Variants in SAMD12 observed in about 807,000 individuals in gnomAD.
The protein encoded by SAMD12 is sterile alpha motif domain containing 12.
In SAMD12, 9 loss-of-function variants were observed where a neutral mutation model predicts 15.0. That is an observed-to-expected ratio of 0.60 (90% CI 0.36 to 1.05). The LOEUF (loss-of-function observed/expected upper bound fraction) is 1.05. Ranked by LOEUF, SAMD12 falls within the 50% of genes least tolerant of loss-of-function variation. The pLI is 0.01. For synonymous variants in SAMD12, 86 were observed against 90.1 expected, an observed-to-expected ratio of 0.96 and a Z score of 0.25; for missense variants, 230 against 234.2, an observed-to-expected ratio of 0.98 and a Z score of 0.12.
At chr8:118,603,346 C>G (rs979065541) in intron 1 of SAMD12, among the ~76,000 whole-genome samples, 16 of 152,058 alleles carry the variant, frequency 1.1e-4, no homozygotes, top group Non-Finnish European at 1.8e-4. Context: ...TCTGAACACT[C>G]AGACTGGAGA....
Position 118,407,860 on chromosome 8 carries a change from C to T in SAMD12, c.323-28160G>A, listed in dbSNP as rs566153432. Among the ~76,000 whole-genome samples, 13 of 152,288 alleles carry T rather than the reference C, an allele frequency of 8.5e-5. No homozygotes were observed. In the East Asian group the frequency reaches 2.5e-3, roughly 29 times the overall value. ...CCCTGAGGAACATGGATCACAGACT[C>T]ATTTTAATCTCAATCCTACTCTCTA... is the stretch of plus-strand genomic sequence containing the variant. On this transcript the variant is annotated intron_variant, in intron 3 of 3. Coordinates refer to ENST00000314727, the MANE Select transcript of SAMD12 (RefSeq NM_207506.3).
chr8:118,353,614 A>G (rs1273893810), intron 4 of SAMD12, among the ~76,000 whole-genome samples: 2 of 152,220 alleles, frequency 1.3e-5, no homozygotes, highest in African/African-American at 4.8e-5. Flanking sequence ...TAAGTTACCC[A>G]GAAAATGGCA....
At chr8:118,340,530 A>G (rs1817305657) in intron 4 of SAMD12, among the ~76,000 whole-genome samples, 1 of 152,132 alleles carries the variant, frequency 6.6e-6, no homozygotes, top group African/African-American at 2.4e-5. Flanking sequence ...GCACTTTGGG[A>G]GGCCAAGGTG....
intron 2 of SAMD12, among the ~76,000 whole-genome samples, chr8:118,562,273 G>C (rs1826723820): frequency 6.6e-6 from 1 of 152,202 alleles, no homozygotes; most frequent in Non-Finnish European, 1.5e-5. Context: ...TGAAGGAGGA[G>C]GACTCAGGAG....
rs76784658 is a variant in SAMD12, at chr8:118,544,505, G to A, written c.192+36210C>T. Among the ~76,000 whole-genome samples the A allele has an allele frequency of 6.7e-3, 1,027 of 152,248 alleles. 9 individuals are homozygous for A. Among genetic ancestry groups the A allele is most frequent in the African/African-American group, 0.023 (965 of 41,548 alleles). Reference sequence around the variant, plus strand: ...AGTCTGGATTTTCCAAGCACAAGATGTTTAGATTTGCGAGGGCTGAAAGTC... The same window carrying A: ...AGTCTGGATTTTCCAAGCACAAGATATTTAGATTTGCGAGGGCTGAAAGTC... On this transcript the variant is annotated intron_variant, in intron 2 of 3. Transcript: ENST00000314727.
chr8:118,394,928 G>A (rs562932956), intron 3 of SAMD12: 10 of 152,302 alleles, frequency 6.6e-5, no homozygotes, highest in South Asian at 2.1e-4. Flanking sequence ...ATGGCTTTAC[G>A]ACGCTTAAGG....
the SAMD12 span, among the ~76,000 whole-genome samples, chr8:118,174,577 T>C: frequency 6.6e-6 from 1 of 152,254 alleles, no homozygotes; most frequent in African/African-American, 2.4e-5. Context: ...TTCCAGGAGC[T>C]GACATTCCAG....
At chr8:118,331,531 G>T (rs7006241) in intron 4 of SAMD12, among the ~76,000 whole-genome samples, 36,604 of 151,962 alleles carry the variant, frequency 0.24, 5,568 homozygotes, top group African/African-American at 0.43. Context: ...GGTGATTTTA[G>T]GATTCCTAAA....
At chr8:118,156,999 G>A in the SAMD12 span, among the ~76,000 whole-genome samples, 1 of 152,172 alleles carries the variant, frequency 6.6e-6, no homozygotes, top group Non-Finnish European at 1.5e-5. Flanking sequence ...GAAAAACACA[G>A]GCAATAATAC....
chr8:118,317,401 G>A (rs1327116649), intron 4 of SAMD12, among the ~76,000 whole-genome samples: 1 of 152,144 alleles, frequency 6.6e-6, no homozygotes, highest in Non-Finnish European at 1.5e-5. Context: ...GAGAATTATG[G>A]AATGCATAAA....
chr8:118,481,141 G>C (rs996494979), intron 2 of SAMD12, among the ~76,000 whole-genome samples: 16 of 151,826 alleles, frequency 1.1e-4, no homozygotes, highest in Admixed American at 9.2e-4. Flanking sequence ...TTAGTAGAGA[G>C]ACAGAATCTC....
chr8:118,436,072 G>C (rs763782973), intron 3 of SAMD12, among the ~76,000 whole-genome samples: 1 of 152,162 alleles, frequency 6.6e-6, no homozygotes, highest in African/African-American at 2.4e-5. Flanking sequence ...TTGCTCCCTA[G>C]AATCAAAGAA....
At chr8:118,212,889 GAC>G (rs1192759132) in intron 4 of SAMD12, among the ~76,000 whole-genome samples, 3 of 152,122 alleles carry the variant, frequency 2.0e-5, no homozygotes, top group African/African-American at 4.8e-5. Flanking sequence ...TAAAATATGA[GAC>G]AAGTTGGATC....
the SAMD12 span, among the ~76,000 whole-genome samples, chr8:118,170,380 T>A: frequency 1.3e-5 from 2 of 152,218 alleles, no homozygotes; most frequent in Non-Finnish European, 2.9e-5. Context: ...TAAGAGGTCA[T>A]ACTCTATACT....
chr8:118,358,190 A>C (rs1818324515), intron 4 of SAMD12, among the ~76,000 whole-genome samples: 1 of 152,152 alleles, frequency 6.6e-6, no homozygotes, highest in Non-Finnish European at 1.5e-5. Flanking sequence ...TTCAGAGCTT[A>C]GTATGTGTTT....
chr8:118,326,440 C>T (rs1406610320), intron 4 of SAMD12, among the ~76,000 whole-genome samples: 1 of 152,122 alleles, frequency 6.6e-6, no homozygotes, highest in Non-Finnish European at 1.5e-5. Context: ...TATATGTCTG[C>T]TCTGATGACT....
At chr8:118,349,722 C>T (rs1489123324) in intron 4 of SAMD12, among the ~76,000 whole-genome samples, 1 of 152,180 alleles carries the variant, frequency 6.6e-6, no homozygotes, top group African/African-American at 2.4e-5. Context: ...AATGTCCAAC[C>T]TTTGTCTCTT....
At chr8:118,548,657 G>T (rs1826214688) in intron 2 of SAMD12, among the ~76,000 whole-genome samples, 1 of 152,246 alleles carries the variant, frequency 6.6e-6, no homozygotes, top group Non-Finnish European at 1.5e-5. Flanking sequence ...TCTCACTAGG[G>T]AGTGCCAGAG....
At chr8:118,213,384 C>T (rs892960161) in intron 4 of SAMD12, among the ~76,000 whole-genome samples, 5 of 152,166 alleles carry the variant, frequency 3.3e-5, no homozygotes, top group Non-Finnish European at 4.4e-5. Context: ...TAAGCCATGA[C>T]GCAACATGGA....
Sources: gnomAD v4.1 joint callset for allele counts (sites outside exome capture counted in the v4.1 genomes callset) on GRCh38, gnomAD v4.1.1 for gene constraint, MANE v1.5 for transcripts, NCBI Gene and HGNC (gene_info 2026-07-23, HGNC 2026-07-21) for gene names.